ARHGEF3: variants seen among roughly 807,000 people sequenced by gnomAD.
ARHGEF3 encodes Rho guanine nucleotide exchange factor 3, also known as 59.8 kDA protein.
Under a neutral mutation model 63.2 loss-of-function variants are expected in ARHGEF3, and 28 were observed. The ratio of observed to expected loss-of-function variants is 0.44; its 90% CI spans 0.33 to 0.61. The LOEUF (loss-of-function observed/expected upper bound fraction) is 0.61, where lower values mean the gene tolerates loss of function less well. Among genes scored for constraint, ARHGEF3 ranks in the 20% least tolerant of loss-of-function variants. The pLI is 0.03. For missense variants in ARHGEF3, 533 were observed against 659.3 expected, an observed-to-expected ratio of 0.81 and a Z score of 2.10; for synonymous variants, 266 against 254.2, an observed-to-expected ratio of 1.05 and a Z score of -0.44.
At chr3:56,992,968 G>A (rs1701824133) in intron 2 of ARHGEF3, among the ~76,000 whole-genome samples, 2 of 152,152 alleles carry the variant, frequency 1.3e-5, no homozygotes, top group Admixed American at 1.3e-4. Flanking sequence ...CCAGTAGCTG[G>A]GATTACAGCT....
At chr3:56,735,833 G>A (rs985368743) in intron 8 of ARHGEF3, among the ~76,000 whole-genome samples, 11 of 152,172 alleles carry the variant, frequency 7.2e-5, no homozygotes, top group Admixed American at 3.9e-4. Context: ...CAGCATCCCT[G>A]ATAATGGGTT....
intron 4 of ARHGEF3, among the ~76,000 whole-genome samples, chr3:56,849,691 C>T (rs945705244): frequency 3.3e-5 from 5 of 151,808 alleles, no homozygotes; most frequent in Admixed American, 1.3e-4. Context: ...GAAATTTAAT[C>T]ACCAGACAAA....
At chr3:57,042,449 G>C (rs1704225288) in intron 1 of ARHGEF3, among the ~76,000 whole-genome samples, 3 of 151,620 alleles carry the variant, frequency 2.0e-5, no homozygotes, top group South Asian at 2.1e-4. Flanking sequence ...TGGTGGATGA[G>C]AGCCAGCACA....
intron 3 of ARHGEF3, among the ~76,000 whole-genome samples, chr3:56,913,894 A>T (rs2041919537): frequency 6.6e-6 from 1 of 152,212 alleles, no homozygotes; most frequent in Non-Finnish European, 1.5e-5. Flanking sequence ...CCATCAATCG[A>T]GGAGTGGATA....
chr3:56,919,387 A>AT (rs2042068326), intron 3 of ARHGEF3, among the ~76,000 whole-genome samples: 1 of 152,012 alleles, frequency 6.6e-6, no homozygotes. Flanking sequence ...GTAACATCTT[A>AT]TTTTTTTCAA....
chr3:57,001,137 G>T (rs1560121235), intron 2 of ARHGEF3, among the ~76,000 whole-genome samples: 1 of 151,930 alleles, frequency 6.6e-6, no homozygotes, highest in Admixed American at 6.6e-5. Context: ...ATGGAGTCTT[G>T]CTATGTTGCC....
chr3:56,997,094 C>T (rs547357080), intron 2 of ARHGEF3, among the ~76,000 whole-genome samples: 3 of 152,032 alleles, frequency 2.0e-5, no homozygotes, highest in African/African-American at 7.2e-5. Flanking sequence ...CCCCAGCATC[C>T]CCACACAGGG....
chr3:57,034,690 T>C, intron 2 of ARHGEF3, among the ~76,000 whole-genome samples: 1 of 136,980 alleles, frequency 7.3e-6, no homozygotes, highest in Non-Finnish European at 1.5e-5. Flanking sequence ...AAGGTCTCAC[T>C]CTGTCACCCA....
At chr3:57,013,946 C>T (rs7374196) in intron 2 of ARHGEF3, among the ~76,000 whole-genome samples, 2 of 152,038 alleles carry the variant, frequency 1.3e-5, no homozygotes, top group South Asian at 2.1e-4. Flanking sequence ...TCAATTTCCA[C>T]TCTGGGGAAG....
At chr3:56,967,173 TA>T (rs950878976) in intron 2 of ARHGEF3, among the ~76,000 whole-genome samples, 29 of 144,800 alleles carry the variant, frequency 2.0e-4, no homozygotes, top group Non-Finnish European at 3.6e-4. Flanking sequence ...TTTTTTTTTT[TA>T]AATACAGCAT....
chr3:56,897,363 T>A (rs891595216), intron 3 of ARHGEF3, among the ~76,000 whole-genome samples: 4 of 152,148 alleles, frequency 2.6e-5, no homozygotes, highest in Non-Finnish European at 5.9e-5. Flanking sequence ...AGTCCTGGAA[T>A]CAGCCTTTTC....
chr3:56,908,043 G>T (rs756124955), intron 3 of ARHGEF3, among the ~76,000 whole-genome samples: 4 of 152,132 alleles, frequency 2.6e-5, no homozygotes, highest in Non-Finnish European at 4.4e-5. Flanking sequence ...AGTTATCATT[G>T]CTACAAAGAA....
chr3:56,794,069 T>C (rs149873254), intron 1 of ARHGEF3, among the ~76,000 whole-genome samples: 3 of 152,084 alleles, frequency 2.0e-5, no homozygotes, highest in African/African-American at 7.2e-5. Context: ...GAACCAGGAA[T>C]ACCAGGCCAG....
intron 8 of ARHGEF3, among the ~76,000 whole-genome samples, chr3:56,734,661 T>A (rs918377034): frequency 6.6e-6 from 1 of 152,174 alleles, no homozygotes; most frequent in Non-Finnish European, 1.5e-5. Context: ...TATTATTAGA[T>A]CATTTTAAAT....
chr3:56,776,210 G>A (rs886229502), intron 1 of ARHGEF3, among the ~76,000 whole-genome samples: 7 of 152,150 alleles, frequency 4.6e-5, no homozygotes, highest in African/African-American at 7.2e-5. Flanking sequence ...TGACCCAGTC[G>A]GACAGGCATT....
At chr3:56,746,792 T>C (rs960848652) in intron 6 of ARHGEF3, among the ~76,000 whole-genome samples, 31 of 152,094 alleles carry the variant, frequency 2.0e-4, no homozygotes, top group African/African-American at 7.2e-4. Flanking sequence ...AAACTTTAAA[T>C]ACTCTGCTGC....
At chr3:56,730,263 A>T (rs2033043842) in intron 9 of ARHGEF3, among the ~76,000 whole-genome samples, 1 of 152,118 alleles carries the variant, frequency 6.6e-6, no homozygotes, top group Non-Finnish European at 1.5e-5. Context: ...CCAATGATGG[A>T]GAAGATATAT....
intron 2 of ARHGEF3, among the ~76,000 whole-genome samples, chr3:56,959,392 T>G (rs1265355375): frequency 6.6e-6 from 1 of 152,176 alleles, no homozygotes; most frequent in African/African-American, 2.4e-5. Context: ...TTTCCTCACC[T>G]GTTAACCTCT....
At chr3:56,954,833 C>T (rs1699970788) in intron 3 of ARHGEF3, among the ~76,000 whole-genome samples, 1 of 152,170 alleles carries the variant, frequency 6.6e-6, no homozygotes, top group Admixed American at 6.5e-5. Flanking sequence ...CAGCCAAACA[C>T]TCCAGCATAA....
Sources: allele counts gnomAD v4.1 joint callset (sites outside exome capture counted in the v4.1 genomes callset), GRCh38; gene constraint gnomAD v4.1.1; transcripts MANE v1.5; gene names NCBI Gene and HGNC (gene_info 2026-07-23, HGNC 2026-07-21).